Variants in C1orf21 observed in about 807,000 individuals in gnomAD.
The protein encoded by C1orf21 is uncharacterized protein C1orf21.
Under a neutral mutation model 18.7 loss-of-function variants are expected in C1orf21, and 3 were observed. The observed-to-expected ratio is 0.16, with a 90% CI of 0.07 to 0.42. C1orf21 has a LOEUF of 0.42. Ranked by LOEUF, C1orf21 falls within the 10% of genes least tolerant of loss-of-function variation. The pLI is 0.99. For synonymous variants in C1orf21, 41 were observed against 46.4 expected (o/e 0.88, Z 0.47); for missense variants, 104 against 143.6 (o/e 0.72, Z 1.41).
At chr1:184,500,708 T>C (rs779064977) in intron 2 of C1orf21, among the ~76,000 whole-genome samples, 2 of 152,124 alleles carry the variant, frequency 1.3e-5, no homozygotes, top group Non-Finnish European at 2.9e-5. Context: ...GGTGTGCTGT[T>C]TCAGTGACAG....
intron 5 of C1orf21, among the ~76,000 whole-genome samples, chr1:184,617,141 A>G (rs1659838359): frequency 6.6e-6 from 1 of 152,164 alleles, no homozygotes; most frequent in Non-Finnish European, 1.5e-5. Context: ...TACTTGCCAG[A>G]CACTATATTT....
rs1256659185 is a variant in C1orf21, at chr1:184,443,758, T to G, written c.-124-33628T>G. The stretch of plus-strand genomic sequence containing the variant: ...GAAGGGAAGGATAGAGCTACAGAAA[T>G]GATAGCAGGCCAAGATCCCATTGGT... On this transcript the variant is annotated intron_variant, in intron 1 of 5. Coordinates refer to ENST00000235307, the MANE Select transcript of C1orf21 (RefSeq NM_030806.4). Among the ~76,000 whole-genome samples, 3 of 152,152 alleles carry G rather than the reference T, an allele frequency of 2.0e-5. No individual in the cohort carries two copies. In the East Asian group the frequency reaches 5.8e-4, roughly 29 times the overall value.
chr1:184,590,854 T>C, intron 4 of C1orf21, 39 bp downstream of exon 4: 1 of 1,517,124 alleles, frequency 6.6e-7, no homozygotes, highest in Non-Finnish European at 9.1e-7. Flanking sequence ...TAGTCGGCCT[T>C]CCATATCCAT....
intron 2 of C1orf21, among the ~76,000 whole-genome samples, chr1:184,482,811 A>T (rs966847214): frequency 3.9e-5 from 6 of 152,180 alleles, no homozygotes; most frequent in Admixed American, 1.3e-4. Flanking sequence ...AGGAGCTTTG[A>T]TGCCCAATGT....
At chr1:184,397,402 C>A (rs188923298) in intron 1 of C1orf21, among the ~76,000 whole-genome samples, 1 of 152,054 alleles carries the variant, frequency 6.6e-6, no homozygotes, top group South Asian at 2.1e-4. Context: ...CTGGCTAACA[C>A]GGTGAAACCC....
At chr1:184,540,189 A>G (rs1658625786) in intron 3 of C1orf21, 1 of 152,222 alleles carries the variant, frequency 6.6e-6, no homozygotes, top group African/African-American at 2.4e-5. Flanking sequence ...AATCCAGTGC[A>G]TAATGCATGT....
intron 2 of C1orf21, among the ~76,000 whole-genome samples, chr1:184,481,996 G>T (rs544713673): frequency 6.6e-6 from 1 of 152,348 alleles, no homozygotes; most frequent in Non-Finnish European, 1.5e-5. Context: ...AATGATCACA[G>T]ATGGTGGCAG....
intron 1 of C1orf21, among the ~76,000 whole-genome samples, chr1:184,437,881 A>T (rs1212300472): frequency 6.6e-6 from 1 of 152,000 alleles, no homozygotes; most frequent in South Asian, 2.1e-4. Context: ...ATCATCAGGT[A>T]TTAGATTTTC....
At chr1:184,446,233 G>T (rs376411201) in intron 1 of C1orf21, among the ~76,000 whole-genome samples, 81 of 151,920 alleles carry the variant, frequency 5.3e-4, no homozygotes, top group Admixed American at 8.5e-4. Context: ...CCAGAGCTTG[G>T]TGCTTCAGAG....
chr1:184,415,875 A>C (rs1018488967), intron 1 of C1orf21, among the ~76,000 whole-genome samples: 4 of 152,222 alleles, frequency 2.6e-5, no homozygotes, highest in African/African-American at 9.7e-5. Flanking sequence ...CTGCCACAGG[A>C]TAGAAGTGTT....
At chr1:184,441,425 C>A (rs1232954834) in intron 1 of C1orf21, among the ~76,000 whole-genome samples, 1 of 152,170 alleles carries the variant, frequency 6.6e-6, no homozygotes, top group African/African-American at 2.4e-5. Flanking sequence ...GATTCACAGT[C>A]ATGACACAAT....
chr1:184,479,787 A>G (rs954209803), intron 2 of C1orf21, among the ~76,000 whole-genome samples: 6 of 151,546 alleles, frequency 4.0e-5, no homozygotes, highest in Non-Finnish European at 7.4e-5. Context: ...ACACCTGGCT[A>G]ATTTTTTATA....
intron 2 of C1orf21, among the ~76,000 whole-genome samples, chr1:184,503,670 C>T (rs1249943578): frequency 6.6e-6 from 1 of 152,118 alleles, no homozygotes; most frequent in African/African-American, 2.4e-5. Context: ...TAATTCCTCT[C>T]CAACAAACTT....
chr1:184,572,359 G>A (rs138275535), intron 3 of C1orf21, among the ~76,000 whole-genome samples: 10 of 152,246 alleles, frequency 6.6e-5, no homozygotes, highest in East Asian at 3.9e-4. Context: ...GCGAGGGAGC[G>A]AGAACATGCA....
chr1:184,395,635 G>T (rs1361933473), intron 1 of C1orf21, among the ~76,000 whole-genome samples: 2 of 151,976 alleles, frequency 1.3e-5, no homozygotes, highest in African/African-American at 4.8e-5. Flanking sequence ...ATAGACAAAG[G>T]TGCTTTGGGA....
chr1:184,510,919 C>A (rs960472508), intron 3 of C1orf21, among the ~76,000 whole-genome samples: 4 of 152,022 alleles, frequency 2.6e-5, no homozygotes, highest in Non-Finnish European at 5.9e-5. Flanking sequence ...AAGTCTGAAC[C>A]AAGGTGTTGG....
chr1:184,461,356 C>G (rs1657305297), intron 1 of C1orf21, among the ~76,000 whole-genome samples: 1 of 152,180 alleles, frequency 6.6e-6, no homozygotes, highest in Non-Finnish European at 1.5e-5. Flanking sequence ...ACCAAATAAG[C>G]AGCCACGCGA....
intron 3 of C1orf21, among the ~76,000 whole-genome samples, chr1:184,586,887 G>T (rs576667935): frequency 1.7e-4 from 26 of 152,200 alleles, no homozygotes; most frequent in Non-Finnish European, 3.4e-4. Context: ...TGTTGCCTAG[G>T]TTGTCTTCCA....
At chr1:184,435,383 G>A (rs576963920) in intron 1 of C1orf21, among the ~76,000 whole-genome samples, 63 of 152,152 alleles carry the variant, frequency 4.1e-4, no homozygotes, top group Non-Finnish European at 7.1e-4. Context: ...TCACTCTGTC[G>A]CCCAGCCTGG....
Sources: allele counts gnomAD v4.1 joint callset (sites outside exome capture counted in the v4.1 genomes callset), GRCh38; gene constraint gnomAD v4.1.1; transcripts MANE v1.5; gene names NCBI Gene and HGNC (gene_info 2026-07-23, HGNC 2026-07-21).